TASOR2: variants seen among roughly 807,000 people sequenced by gnomAD.
TASOR2 encodes the protein protein TASOR 2.
TASOR2 carries 84 observed loss-of-function variants against 199.5 expected under a neutral mutation model. The observed-to-expected ratio is 0.42, with a 90% CI of 0.35 to 0.50. The LOEUF is 0.50. Among genes scored for constraint, TASOR2 ranks in the 20% least tolerant of loss-of-function variants. The probability of loss-of-function intolerance (pLI) is 0.02; values close to 1 mark genes in which losing one functional copy is unlikely to be tolerated. For missense variants in TASOR2, 2,796 were observed against 2,835.9 expected, an observed-to-expected ratio of 0.99 and a Z score of 0.32; for synonymous variants, 1,103 against 1,046.6, an observed-to-expected ratio of 1.05 and a Z score of -1.04.
chr10:5,757,615 G>C, exon 17 of TASOR2: 1 of 1,613,840 alleles, frequency 6.2e-7, no homozygotes, highest in Non-Finnish European at 8.5e-7. Context: ...ACCAAGAACT[G>C]TTTCGTGCAG....
rs1336111653 is a variant in TASOR2 at position 5,752,735 on chromosome 10, C to G, written c.6606+2708C>G. On this transcript the variant is annotated intron_variant, in intron 15 of 20. Coordinates refer to ENST00000328090, the Ensembl canonical transcript of TASOR2. The surrounding 1 kb of genome is among the most constrained non-coding windows in gnomAD (Gnocchi z 4.4). ...AGATTTCTTGGTCTGCCCTGCTCTTCTCATATGGAGGTGTGTAGCTGGCAA... is the reference window on the plus strand; with the variant it reads ...AGATTTCTTGGTCTGCCCTGCTCTTGTCATATGGAGGTGTGTAGCTGGCAA... Among the ~76,000 whole-genome samples, 1 of 152,234 alleles carries G rather than the reference C, an allele frequency of 6.6e-6. No homozygotes were observed. Among genetic ancestry groups the G allele is most frequent in the Non-Finnish European group, 1.5e-5 (1 of 68,046 alleles).
intron 1 of TASOR2, among the ~76,000 whole-genome samples, chr10:5,703,199 T>A (rs896118627): frequency 6.6e-6 from 1 of 152,150 alleles, no homozygotes; most frequent in South Asian, 2.1e-4. Flanking sequence ...GAAGATCATA[T>A]TAGGGATCAT....
Position 5,685,247 on chromosome 10 carries a change from C to T in TASOR2, c.-288+72C>T, listed in dbSNP as rs554962796. 7.3e-5 allele frequency: 29 copies of T among 396,996 alleles called. No homozygotes were observed. The highest frequency in any genetic ancestry group is 4.3e-4 in the African/African-American group (21 of 48,650). The allele number at this position is 396,996 out of a possible 1,614,324, so 24.6% of individuals were successfully genotyped here. ...CGGCGGGTCCCCGAGGCCGAGCGCT[C>T]GGGCAGCTGCCGGGGCTTGGCTGCG... is the stretch of plus-strand genomic sequence containing the variant. On this transcript the variant is annotated intron_variant, in intron 1 of 20. Transcript: ENST00000328090. The surrounding 1 kb of genome is among the most constrained non-coding windows in gnomAD (Gnocchi z 5.4).
At position 5,689,383 on chromosome 10, in the gene TASOR2, A is replaced by G. The variant is rs1035911161; in HGVS notation, c.-288+4208A>G. On this transcript the variant is annotated intron_variant, in intron 1 of 20. Transcript: ENST00000328090. The surrounding 1 kb of genome is among the most constrained non-coding windows in gnomAD (Gnocchi z 4.1). ...TTGGGTGGCCGAGGTGGGCGGATCAAGAGGTCAGGAGTTCAAGACCAGCCT... is the reference window on the plus strand; with the variant it reads ...TTGGGTGGCCGAGGTGGGCGGATCAGGAGGTCAGGAGTTCAAGACCAGCCT... Among the ~76,000 whole-genome samples the G allele has an allele frequency of 3.3e-5, 5 of 152,264 alleles. No homozygotes were observed. Among genetic ancestry groups the G allele is most frequent in the Non-Finnish European group, 5.9e-5 (4 of 68,014 alleles).
At chr10:5,713,719 T>C (rs1203630106) in intron 2 of TASOR2, 2 of 152,688 alleles carry the variant, frequency 1.3e-5, no homozygotes, top group African/African-American at 2.4e-5. Flanking sequence ...AAAGCTGTAG[T>C]TGGAAAATAA....
chr10:5,749,081 C>T (rs750872824), exon 15 of TASOR2: 3 of 1,614,100 alleles, frequency 1.9e-6, no homozygotes, highest in Admixed American at 3.3e-5. Context: ...AGCTGGGTTC[C>T]AGGCATGGAG....
In TASOR2 at chr10:5,730,436, T is replaced by C. The variant is rs972402973; in HGVS notation, c.488-51T>C. On this transcript the variant is annotated intron_variant, in intron 10 of 20. Coordinates refer to ENST00000328090, the Ensembl canonical transcript of TASOR2. The surrounding 1 kb of genome is among the most constrained non-coding windows in gnomAD (Gnocchi z 4.1). ...TAAAGCTTTTTTTTCCAGAATGTTTTGTTTTTAAAAAATAAACTTCAGATG... is the reference window on the plus strand; with the variant it reads ...TAAAGCTTTTTTTTCCAGAATGTTTCGTTTTTAAAAAATAAACTTCAGATG... 2 of 1,367,450 alleles carry C rather than the reference T, an allele frequency of 1.5e-6. No individual in the cohort carries two copies. Among genetic ancestry groups the C allele is most frequent in the Admixed American group, 2.3e-5 (1 of 43,156 alleles). 84.7% of individuals were successfully genotyped at this position (1,367,450 alleles called of 1,614,324 possible).
At chr10:5,707,870 A>G (rs1296424618) in intron 1 of TASOR2, among the ~76,000 whole-genome samples, 4 of 152,002 alleles carry the variant, frequency 2.6e-5, no homozygotes, top group Admixed American at 6.5e-5. Flanking sequence ...AGTCAATCCA[A>G]TGTGTCTTTA....
rs1261063472 is a variant in TASOR2, at chr10:5,703,605, G to A, written c.-287-9218G>A. On this transcript the variant is annotated intron_variant, in intron 1 of 20. Transcript: ENST00000328090. ...TGCAAGCTCCGCCTCCCGGGTTCAT[G>A]CCATTCTCCTGCCTCAGCCTCCCGA... Among the ~76,000 whole-genome samples, 4 of 143,964 alleles carry A rather than the reference G, an allele frequency of 2.8e-5. No individual in the cohort carries two copies. The Admixed American group carries it at 2.9e-4, about 11-fold the overall frequency. The allele number at this position is 143,964 out of a possible 152,430, so 94.4% of individuals were successfully genotyped here.
In TASOR2 at chr10:5,738,713, A is replaced by G. The variant is rs1835958540; in HGVS notation, c.1448-905A>G. ...TTCATTTTGGACCTGCTACTATGAT[A>G]AAGAGGAACATAGTTGGCTTTTCTG... On this transcript the variant is annotated intron_variant, in intron 12 of 20. Coordinates refer to ENST00000328090, the Ensembl canonical transcript of TASOR2. The surrounding 1 kb of genome is among the most constrained non-coding windows in gnomAD (Gnocchi z 4.7). 6.6e-6 allele frequency among the ~76,000 whole-genome samples: 1 copy of G among 152,230 alleles called. No homozygotes were observed. The highest frequency in any genetic ancestry group is 2.4e-5 in the African/African-American group (1 of 41,458).
Position 5,748,928 on chromosome 10 carries a change from G to A in TASOR2, c.5507G>A (p.Gly1836Asp). 1 of 1,614,092 alleles carries A rather than the reference G, an allele frequency of 6.2e-7. No individual in the cohort carries two copies. Among genetic ancestry groups the A allele is most frequent in the Non-Finnish European group, 8.5e-7 (1 of 1,180,020 alleles). ...GGAGATTCTGATCTAGACCTGCTTG[G>A]TGATTGTAGAAATCCCAGACTGGAT... Residue 1836 changes from glycine to aspartate, a missense_variant, in exon 15 of 21, where the codon GGT becomes GAT. This residue lies in a region of TASOR2 where 1,941 missense variants were observed against 1,924.9 expected (regional missense o/e 1.01). Transcript: ENST00000328090. The surrounding 1 kb of genome is among the most constrained non-coding windows in gnomAD (Gnocchi z 5.1).
intron 1 of TASOR2, among the ~76,000 whole-genome samples, chr10:5,705,330 CT>C (rs1364493649): frequency 6.6e-6 from 1 of 152,076 alleles, no homozygotes; most frequent in Admixed American, 6.5e-5. Flanking sequence ...ATCAGTTTTA[CT>C]TTTTTTAATT....
Position 5,740,070 on chromosome 10 carries a change from C to G in TASOR2, c.1900C>G (p.Leu634Val). 6.2e-7 allele frequency: 1 copy of G among 1,614,058 alleles called. No homozygotes were observed. Among genetic ancestry groups the G allele is most frequent in the Non-Finnish European group, 8.5e-7 (1 of 1,180,030 alleles). The change falls in exon 13 of 21, where the codon CTT (leucine) becomes GTT (valine). Residue 634 changes from leucine to valine, a missense_variant. Leu to Val is a conservative substitution (Grantham distance 32, BLOSUM62 1). Around this residue, in one of 3 missense-constraint regions of TASOR2, gnomAD observed 847 missense variants for 887.4 expected, o/e 0.95. Coordinates refer to ENST00000328090, the Ensembl canonical transcript of TASOR2. The surrounding 1 kb of genome is among the most constrained non-coding windows in gnomAD (Gnocchi z 5.3). ...GGCCCCTGCTAAAGCCCAGTCAGCA[C>G]TTACTGAGGAAATGCTAGAATCTTC... is the stretch of plus-strand genomic sequence containing the variant.
Position 5,762,526 on chromosome 10 carries a change from T to TTTTTTAA in TASOR2, c.7175-6_7175-5insTTTTTAA. ...ACCAAAAGTTGTTTTTTTTTTTTTT[T>TTTTTTAA]AACAGACAAGCCTACTATCCCCAGA... On this transcript the variant is annotated splice_region_variant and splice_polypyrimidine_tract_variant and intron_variant, in intron 19 of 20. Coordinates refer to ENST00000328090, the Ensembl canonical transcript of TASOR2. The TTTTTTAA allele has an allele frequency of 4.3e-5, 30 of 699,594 alleles. No individual in the cohort carries two copies. The highest frequency in any genetic ancestry group is 5.6e-5 in the South Asian group (2 of 35,810). 43.3% of individuals were successfully genotyped at this position (699,594 alleles called of 1,614,324 possible).
Position 5,730,669 on chromosome 10 carries a change from G to T in TASOR2, c.670G>T (p.Val224Phe), listed in dbSNP as rs188524175. 123 of 1,614,178 alleles carry T rather than the reference G, an allele frequency of 7.6e-5. 2 individuals carry two copies. In the Admixed American group the frequency reaches 1.7e-3, roughly 22 times the overall value. Residue 224 changes from valine (V) to phenylalanine (F), a missense_variant, in exon 11 of 21, where the codon GTT becomes TTT. By Grantham distance (50) the Val-to-Phe change is conservative. Around this residue, in one of 3 missense-constraint regions of TASOR2, gnomAD observed 847 missense variants for 887.4 expected, o/e 0.95. Coordinates refer to ENST00000328090, the Ensembl canonical transcript of TASOR2. This position sits in a 1 kb window ranked among gnomAD's most constrained non-coding sequence, Gnocchi z 4.1. ...GGCGGACAGAAGCCCTTCATTGAGTGTTGCTCCTCAGGATAGAATGAAAGA... is the reference window on the plus strand; with the variant it reads ...GGCGGACAGAAGCCCTTCATTGAGTTTTGCTCCTCAGGATAGAATGAAAGA...
chr10:5,756,883 A>G, intron 16 of TASOR2, 145 bp downstream of exon 17: 1 of 755,532 alleles, frequency 1.3e-6, no homozygotes, highest in Non-Finnish European at 2.0e-6. Context: ...GGTGTATTAT[A>G]GAATACTGCA....
chr10:5,762,108 T>C (rs984058432), intron 19 of TASOR2, among the ~76,000 whole-genome samples: 2 of 152,096 alleles, frequency 1.3e-5, no homozygotes, highest in African/African-American at 4.8e-5. Context: ...AGACCTCATC[T>C]CTACAGAAGT....
At chr10:5,761,338 G>A (rs1265717369) in exon 19 of TASOR2, 3 of 1,613,946 alleles carry the variant, frequency 1.9e-6, no homozygotes, top group Non-Finnish European at 8.5e-7. Flanking sequence ...AGTCATTTCA[G>A]AGTGCAAATA....
chr10:5,707,932 G>A (rs1283271494), intron 1 of TASOR2, among the ~76,000 whole-genome samples: 1 of 152,114 alleles, frequency 6.6e-6, no homozygotes, highest in Non-Finnish European at 1.5e-5. Flanking sequence ...TCAATAGGTA[G>A]ACCAGAACCC....
Sources: gnomAD v4.1 joint callset for allele counts (sites outside exome capture counted in the v4.1 genomes callset) on GRCh38, gnomAD v4.1.1 for gene constraint, gnomAD v4.1.1 regional missense constraint, Gnocchi (gnomAD v3.1) non-coding constraint, MANE v1.5 for transcripts, NCBI Gene and HGNC (gene_info 2026-07-23, HGNC 2026-07-21) for gene names.